Variants in NAA25 observed in about 807,000 individuals in gnomAD.
NAA25 encodes N-terminal acetyltransferase B complex subunit NAA25.
A neutral mutation model predicts 132.5 loss-of-function variants in NAA25; 30 were observed. The ratio of observed to expected loss-of-function variants is 0.23; its 90% CI spans 0.17 to 0.31. The LOEUF is 0.31. Among genes scored for constraint, NAA25 ranks in the 10% least tolerant of loss-of-function variants. NAA25 has a pLI of 1.00. For missense variants in NAA25, 771 were observed against 1,150.4 expected (o/e 0.67, Z 4.77); for synonymous variants, 359 against 401.9 (o/e 0.89, Z 1.28).
At chr12:112,068,829 G>T in intron 11 of NAA25, 51 bp downstream of exon 11, 2 of 998,818 alleles carry the variant, frequency 2.0e-6, no homozygotes, top group Non-Finnish European at 3.0e-6. Context: ...TAACCTCTGT[G>T]TTTCAACAAA....
intron 22 of NAA25, among the ~76,000 whole-genome samples, 154 bp downstream of exon 22, chr12:112,039,075 G>A (rs564878092): frequency 1.3e-5 from 2 of 152,128 alleles, no homozygotes; most frequent in Non-Finnish European, 2.9e-5. Context: ...GAAAGTTTAC[G>A]GGTTTGCGAC....
chr12:112,083,140 G>C (rs2078996497), intron 4 of NAA25, among the ~76,000 whole-genome samples: 1 of 151,906 alleles, frequency 6.6e-6, no homozygotes, highest in African/African-American at 2.4e-5. Flanking sequence ...AGGTGATGAG[G>C]CACAAAACCA....
At chr12:112,100,614 C>CTTTTTTTTTT (rs71083200) in intron 1 of NAA25, among the ~76,000 whole-genome samples, 9 of 100,626 alleles carry the variant, frequency 8.9e-5, no homozygotes, top group East Asian at 4.2e-4. Context: ...ATTCCATTGT[C>CTTTTTTTTTT]TTTTTTTTTT....
chr12:112,058,066 G>C (rs961495152), intron 13 of NAA25, among the ~76,000 whole-genome samples: 4 of 152,080 alleles, frequency 2.6e-5, no homozygotes, highest in African/African-American at 9.7e-5. Context: ...AGAATCGCTT[G>C]AACCTGGAAG....
intron 13 of NAA25, among the ~76,000 whole-genome samples, chr12:112,055,167 A>G (rs1369632169): frequency 1.3e-5 from 2 of 152,196 alleles, no homozygotes; most frequent in African/African-American, 4.8e-5. Context: ...TATATACAAA[A>G]ATAGTTATCG....
intron 1 of NAA25, among the ~76,000 whole-genome samples, chr12:112,102,257 C>T (rs1171275405): frequency 1.3e-5 from 2 of 152,016 alleles, no homozygotes; most frequent in Admixed American, 6.6e-5. Context: ...CCTGCAGTGC[C>T]AGCTACTCCA....
chr12:112,046,120 C>T (rs2078377638), intron 17 of NAA25, among the ~76,000 whole-genome samples: 1 of 152,170 alleles, frequency 6.6e-6, no homozygotes. Context: ...ACTCGCTGTG[C>T]CTAGATTGTT....
intron 5 of NAA25, among the ~76,000 whole-genome samples, chr12:112,080,484 C>A (rs1197481313): frequency 6.6e-6 from 1 of 151,604 alleles, no homozygotes; most frequent in East Asian, 2.0e-4. Flanking sequence ...CCAGCCTGGT[C>A]AAAAGAGTGA....
intron 3 of NAA25, among the ~76,000 whole-genome samples, chr12:112,088,331 T>G (rs975012065): frequency 1.4e-5 from 2 of 144,676 alleles, no homozygotes; most frequent in Non-Finnish European, 3.0e-5. Context: ...TTTTTTTTTT[T>G]TTTTTTTTTT....
intron 1 of NAA25, among the ~76,000 whole-genome samples, chr12:112,104,876 G>A (rs1255299902): frequency 1.1e-4 from 17 of 151,350 alleles, no homozygotes; most frequent in African/African-American, 2.9e-4. Context: ...AAAATTAGCC[G>A]GGCATGGTGG....
chr12:112,065,674 T>A (rs912718722), intron 11 of NAA25: 15 of 151,696 alleles, frequency 9.9e-5, no homozygotes, highest in Admixed American at 2.6e-4. Flanking sequence ...AAAAAATAAA[T>A]AAATAAATAA....
intron 8 of NAA25, among the ~76,000 whole-genome samples, 188 bp downstream of exon 8, chr12:112,075,490 A>C (rs1341197733): frequency 6.6e-6 from 1 of 152,134 alleles, no homozygotes; most frequent in Non-Finnish European, 1.5e-5. Context: ...TGCCCAGCCT[A>C]CAAGTACCAT....
At chr12:112,087,596 C>T (rs965541510) in intron 4 of NAA25, 87 bp downstream of exon 4, 4 of 858,050 alleles carry the variant, frequency 4.7e-6, no homozygotes, top group Admixed American at 2.0e-5. Flanking sequence ...TACACACACA[C>T]ATACCCAGTG....
At chr12:112,105,772 A>G (rs781692588) in intron 1 of NAA25, among the ~76,000 whole-genome samples, 1 of 152,212 alleles carries the variant, frequency 6.6e-6, no homozygotes, top group Non-Finnish European at 1.5e-5. Flanking sequence ...TCTCAGTGAG[A>G]ATGTCTATGT....
At chr12:112,108,483 A>G (rs541580164) in intron 1 of NAA25, among the ~76,000 whole-genome samples, 13 of 152,242 alleles carry the variant, frequency 8.5e-5, no homozygotes, top group African/African-American at 2.2e-4. Flanking sequence ...CAAGCAGGCC[A>G]GCTCTGCCGA....
At chr12:112,051,247 C>G (rs2078461238) in intron 15 of NAA25, among the ~76,000 whole-genome samples, 1 of 152,076 alleles carries the variant, frequency 6.6e-6, no homozygotes, top group Admixed American at 6.6e-5. Context: ...CAGAGTCTCT[C>G]TCGTCACCCA....
chr12:112,084,791 C>CAAAT (rs199834321), intron 4 of NAA25, among the ~76,000 whole-genome samples: 2 of 151,170 alleles, frequency 1.3e-5, no homozygotes, highest in South Asian at 2.1e-4. Flanking sequence ...GACTCCATAT[C>CAAAT]AAATAAATAA....
At chr12:112,088,763 G>T (rs922560217) in intron 3 of NAA25, among the ~76,000 whole-genome samples, 2 of 151,924 alleles carry the variant, frequency 1.3e-5, no homozygotes, top group African/African-American at 2.4e-5. Flanking sequence ...TGGGATTACA[G>T]GCATGCATCA....
chr12:112,103,346 T>C (rs2079321230), intron 1 of NAA25, among the ~76,000 whole-genome samples: 1 of 152,168 alleles, frequency 6.6e-6, no homozygotes. Context: ...AACACAAAAA[T>C]AGTCCAGAAT....
Sources: allele counts gnomAD v4.1 joint callset (sites outside exome capture counted in the v4.1 genomes callset), GRCh38; gene constraint gnomAD v4.1.1; transcripts MANE v1.5; gene names NCBI Gene and HGNC (gene_info 2026-07-23, HGNC 2026-07-21).